The following TNFRSF11A variants were observed in gnomAD, a reference collection of about 807,000 sequenced individuals.
TNFRSF11A encodes TNF receptor superfamily member 11a.
Under a neutral mutation model 55.7 loss-of-function variants are expected in TNFRSF11A, and 32 were observed. That is an observed-to-expected ratio of 0.57 (90% CI 0.43 to 0.77). TNFRSF11A has a LOEUF of 0.77. TNFRSF11A is among the 30% of genes least tolerant of loss of function. TNFRSF11A has a pLI of 0.00. For missense variants in TNFRSF11A, 753 were observed against 809.8 expected (o/e 0.93, Z 0.85); for synonymous variants, 311 against 331.0 (o/e 0.94, Z 0.65).
In TNFRSF11A at chr18:62,369,165, G is replaced by A; in HGVS notation, c.1248G>A (p.Met416Ile). 1.2e-6 allele frequency: 2 copies of A among 1,614,120 alleles called. No homozygotes were observed. Among genetic ancestry groups the A allele is most frequent in the Non-Finnish European group, 1.7e-6 (2 of 1,180,054 alleles). Reference protein sequence around the residue: ...EPLCRTDWTPMSSENYLQKEV... With the variant: ...EPLCRTDWTPISSENYLQKEV... ...TGTGCAGGACTGATTGGACTCCCAT[G>A]TCCTCTGAAAACTACTTGCAAAAAG... Residue 416 changes from methionine to isoleucine, a missense_variant, in exon 9 of 10, where the codon ATG (methionine) becomes ATA (isoleucine). Coordinates refer to ENST00000586569, the MANE Select transcript of TNFRSF11A (RefSeq NM_003839.4).
Position 62,386,796 on chromosome 18 carries a change from G to A in TNFRSF11A, c.*1762G>A, listed in dbSNP as rs1020933653. On this transcript the variant is annotated 3_prime_UTR_variant, in exon 10 of 10. Transcript: ENST00000586569. ...GCACAGGACAGTTCTGTAATTTATG[G>A]GACTCCTTAGCCAACATAAAGAACT... 6.6e-6 allele frequency: 1 copy of A among 152,110 alleles called. No individual in the cohort carries two copies. The highest frequency in any genetic ancestry group is 1.5e-5 in the Non-Finnish European group (1 of 68,018). The allele number at this position is 152,110 out of a possible 1,614,324, so 9.4% of individuals were successfully genotyped here.
intron 3 of TNFRSF11A, among the ~76,000 whole-genome samples, chr18:62,352,147 C>A (rs1488227430): frequency 1.3e-5 from 2 of 152,132 alleles, no homozygotes; most frequent in Non-Finnish European, 2.9e-5. Context: ...ATGAGGTGGC[C>A]CAAGGTGTTT....
intron 4 of TNFRSF11A, among the ~76,000 whole-genome samples, chr18:62,355,996 C>G (rs918512408): frequency 7.2e-5 from 11 of 152,166 alleles, no homozygotes; most frequent in Non-Finnish European, 1.0e-4. Context: ...TTATTTTTAA[C>G]GCTCTATCAG....
intron 2 of TNFRSF11A, among the ~76,000 whole-genome samples, chr18:62,349,208 G>A (rs1046002931): frequency 1.4e-5 from 2 of 143,998 alleles, no homozygotes; most frequent in African/African-American, 5.2e-5. Context: ...ATGGGGTCTT[G>A]CTCTGTTGCC....
chr18:62,359,641 A>C (rs1001215895), intron 5 of TNFRSF11A, among the ~76,000 whole-genome samples: 1 of 152,190 alleles, frequency 6.6e-6, no homozygotes, highest in African/African-American at 2.4e-5. Flanking sequence ...AGCCTCCCAA[A>C]GTGCTAGGAT....
rs568097303 is a variant in TNFRSF11A, at chr18:62,361,731, T to A, written c.668T>A (p.Val223Glu). ...ATAATTCTGCTTCTCTTCGCGTCTGTGGCCCTGGTGGCTGCCATCATCTTT... is the reference window on the plus strand; with the variant it reads ...ATAATTCTGCTTCTCTTCGCGTCTGAGGCCCTGGTGGCTGCCATCATCTTT... ...GLIILLLFAS[V>E]ALVAAIIFGV... Residue 223 changes from valine to glutamate, a missense_variant, in exon 7 of 10, where the codon GTG becomes GAG. Val to Glu is a moderately radical substitution (Grantham distance 121). Coordinates refer to ENST00000586569, the MANE Select transcript of TNFRSF11A (RefSeq NM_003839.4). The A allele has an allele frequency of 4.3e-5, 69 of 1,614,232 alleles. 1 individual carries two copies. The South Asian group carries it at 7.5e-4, about 17-fold the overall frequency.
chr18:62,335,709 A>C lies in TNFRSF11A; in HGVS notation c.75+10282A>C, dbSNP rs547418389. 1.8e-4 allele frequency among the ~76,000 whole-genome samples: 28 copies of C among 151,720 alleles called. 1 individual carries two copies. The South Asian group carries it at 5.4e-3, about 29-fold the overall frequency. Reference sequence around the variant, plus strand: ...AGAGATTGCTAATCTTGATTTTGCAACCCTCTTCCCTCAGGGTATCTCGGA... The same window carrying C: ...AGAGATTGCTAATCTTGATTTTGCACCCCTCTTCCCTCAGGGTATCTCGGA... On this transcript the variant is annotated intron_variant, in intron 1 of 9. Transcript: ENST00000586569.
intron 1 of TNFRSF11A, among the ~76,000 whole-genome samples, chr18:62,328,041 C>T (rs1164831152): frequency 2.6e-5 from 4 of 152,230 alleles, no homozygotes; most frequent in East Asian, 3.8e-4. Context: ...AGAGCAGGTG[C>T]GTGCATACGC....
chr18:62,365,302 A>C (rs1909998870), intron 7 of TNFRSF11A, among the ~76,000 whole-genome samples: 2 of 152,226 alleles, frequency 1.3e-5, no homozygotes, highest in Non-Finnish European at 2.9e-5. Flanking sequence ...TTAAATGTTC[A>C]TTAGAAGTGG....
In TNFRSF11A at chr18:62,358,229, T is replaced by G. The variant is rs764785953; in HGVS notation, c.428-19T>G. 1.1e-4 allele frequency: 172 copies of G among 1,569,578 alleles called. No homozygotes were observed. The highest frequency in any genetic ancestry group is 1.5e-4 in the Non-Finnish European group (169 of 1,152,456). On this transcript the variant is annotated intron_variant, in intron 4 of 9. Coordinates refer to ENST00000586569, the MANE Select transcript of TNFRSF11A (RefSeq NM_003839.4). The stretch of plus-strand genomic sequence containing the variant: ...TTTGTTTGTTCTGTCTGGGTTGTTT[T>G]TTTTTTTTTTTCTCACAGTGCAGCT...
intron 1 of TNFRSF11A, among the ~76,000 whole-genome samples, chr18:62,343,215 A>T (rs4369774): frequency 4.6e-5 from 7 of 151,976 alleles, no homozygotes; most frequent in Non-Finnish European, 4.4e-5. Context: ...AATATAGTCA[A>T]GGATGATATT....
At chr18:62,356,840 A>T (rs1909294737) in intron 4 of TNFRSF11A, among the ~76,000 whole-genome samples, 1 of 152,214 alleles carries the variant, frequency 6.6e-6, no homozygotes, top group Admixed American at 6.5e-5. Flanking sequence ...TATGAAAGGG[A>T]GCAAGGAAAG....
chr18:62,361,790 A>C lies in TNFRSF11A; in HGVS notation c.727A>C (p.Thr243Pro), dbSNP rs1207337886. 9 of 1,613,488 alleles carry C rather than the reference A, an allele frequency of 5.6e-6. No individual in the cohort carries two copies. Among genetic ancestry groups the C allele is most frequent in the Middle Eastern group, 1.6e-4 (1 of 6,082 alleles). Residue 243 changes from threonine (T) to proline (P), a missense_variant, in exon 7 of 10, where the codon ACA becomes CCA. This residue lies in a region of TNFRSF11A where 567 missense variants were observed against 596.7 expected (regional missense o/e 0.95). Transcript: ENST00000586569. The stretch of plus-strand genomic sequence containing the variant: ...CTATAGGAAAAAAGGGAAAGCACTC[A>C]CAGGTATTGTGTCTATGGTGGTTTT... ...VCYRKKGKAL[T>P]ANLWHWINEA...
intron 1 of TNFRSF11A, among the ~76,000 whole-genome samples, chr18:62,338,753 G>T (rs777684217): frequency 3.3e-5 from 5 of 152,168 alleles, no homozygotes; most frequent in Non-Finnish European, 5.9e-5. Flanking sequence ...GGCAATCGTT[G>T]CTACTTATTG....
chr18:62,366,844 C>G (rs1361795711), intron 8 of TNFRSF11A, 84 bp downstream of exon 8: 36 of 1,307,254 alleles, frequency 2.8e-5, no homozygotes, highest in Non-Finnish European at 4.0e-5. Flanking sequence ...TATTGAGCAC[C>G]CCCCCCCACC....
At position 62,389,185 on chromosome 18, in the gene TNFRSF11A, G is replaced by T; in HGVS notation, c.*4151G>T. On this transcript the variant is annotated 3_prime_UTR_variant, in exon 10 of 10. Transcript: ENST00000586569. Reference sequence around the variant, plus strand: ...GAAAGGAGATGAGGAGCGCTGGAGGGTTCGGAGCAGAGAAGACGAGACAAT... The same window carrying T: ...GAAAGGAGATGAGGAGCGCTGGAGGTTTCGGAGCAGAGAAGACGAGACAAT... 6.6e-6 allele frequency: 1 copy of T among 152,430 alleles called. No individual in the cohort carries two copies. The highest frequency in any genetic ancestry group is 1.5e-5 in the Non-Finnish European group (1 of 68,110). 9.4% of individuals were successfully genotyped at this position (152,430 alleles called of 1,614,324 possible). A position where few individuals can be genotyped will look rare whatever the true frequency, so the allele number is the denominator to read the frequency against.
intron 9 of TNFRSF11A, among the ~76,000 whole-genome samples, chr18:62,378,722 G>T (rs1204714711): frequency 2.0e-5 from 3 of 152,142 alleles, no homozygotes; most frequent in African/African-American, 4.8e-5. Flanking sequence ...ATTAATATTT[G>T]CTTGCTCTAC....
chr18:62,358,080 A>T, intron 4 of TNFRSF11A, 168 bp from the exon 5 acceptor site: 1 of 648,856 alleles, frequency 1.5e-6, no homozygotes, highest in Non-Finnish European at 2.7e-6. Flanking sequence ...AGCCTGTGGG[A>T]GCTGAAGAAG....
chr18:62,370,358 G>A (rs962701049), intron 9 of TNFRSF11A, among the ~76,000 whole-genome samples: 4 of 152,128 alleles, frequency 2.6e-5, no homozygotes, highest in Non-Finnish European at 5.9e-5. Flanking sequence ...CGAATATATG[G>A]ATATATACTA....
Sources: allele counts gnomAD v4.1 joint callset (sites outside exome capture counted in the v4.1 genomes callset), GRCh38; gene constraint gnomAD v4.1.1; regional missense constraint gnomAD v4.1.1; transcripts MANE v1.5; gene names NCBI Gene and HGNC (gene_info 2026-07-23, HGNC 2026-07-21).